Variants in PCDH15 observed in about 807,000 individuals in gnomAD.
PCDH15 encodes protocadherin-15.
A neutral mutation model predicts 178.5 loss-of-function variants in PCDH15; 129 were observed. The observed-to-expected ratio is 0.72, with a 90% CI of 0.63 to 0.84. PCDH15 has a LOEUF of 0.84. PCDH15 is among the 40% of genes least tolerant of loss of function. The pLI is 0.00. For missense variants in PCDH15, 2,230 were observed against 2,099.9 expected (o/e 1.06, Z -1.21); for synonymous variants, 800 against 732.0 (o/e 1.09, Z -1.50).
In PCDH15 at chr10:54,801,074, G is replaced by A. The variant is rs1231683180; in HGVS notation, c.-178C>T. On this transcript the variant is annotated 5_prime_UTR_variant, in exon 1 of 38. It introduces an in-frame stop codon into an upstream open reading frame of the 5' UTR. Transcript: ENST00000644397. ...TTCACATGTTCCACCTCTTGTTTCT[G>A]TGAGGCATTGATATCCACTCTCATA... The A allele has an allele frequency of 6.6e-6, 1 of 152,134 alleles. No individual in the cohort carries two copies. The highest frequency in any genetic ancestry group is 1.5e-5 in the Non-Finnish European group (1 of 68,048). The allele number at this position is 152,134 out of a possible 1,614,324, so 9.4% of individuals were successfully genotyped here.
At chr10:55,100,299 T>C (rs1462226905) in intron 2 of PCDH15, among the ~76,000 whole-genome samples, 3 of 152,162 alleles carry the variant, frequency 2.0e-5, no homozygotes, top group African/African-American at 7.2e-5. Context: ...AAGCTTTCTT[T>C]AGATGTTCAA....
intron 2 of PCDH15, among the ~76,000 whole-genome samples, chr10:55,410,651 G>T (rs1234572823): frequency 6.6e-6 from 1 of 152,084 alleles, no homozygotes; most frequent in Non-Finnish European, 1.5e-5. Flanking sequence ...CAGAGAGCTT[G>T]GTTCATTGTG....
At chr10:54,128,939 A>G (rs2042200784) in intron 15 of PCDH15, among the ~76,000 whole-genome samples, 1 of 152,202 alleles carries the variant, frequency 6.6e-6, no homozygotes, top group South Asian at 2.1e-4. Flanking sequence ...TGTAATACAA[A>G]ACATTCCCAT....
chr10:53,891,917 C>T (rs2081581159), intron 26 of PCDH15, among the ~76,000 whole-genome samples: 1 of 151,346 alleles, frequency 6.6e-6, no homozygotes, highest in Non-Finnish European at 1.5e-5. Flanking sequence ...TGCAGTGAGC[C>T]GAGATCATGC....
At chr10:54,335,361 C>T (rs773020929) in intron 6 of PCDH15, among the ~76,000 whole-genome samples, 10 of 152,104 alleles carry the variant, frequency 6.6e-5, no homozygotes, top group East Asian at 5.8e-4. Context: ...ACAAAGTGGT[C>T]GCATACTCTG....
chr10:54,240,777 G>A (rs185666201), intron 8 of PCDH15, among the ~76,000 whole-genome samples: 2,222 of 151,516 alleles, frequency 0.015, 45 homozygotes, highest in African/African-American at 0.041. Flanking sequence ...GACTACAGGC[G>A]CCCGCCACCA....
In PCDH15 at chr10:54,946,540, G is replaced by T. The variant is rs116455893; in HGVS notation, c.-79-49040C>A. Among the ~76,000 whole-genome samples, 33 of 151,914 alleles carry T rather than the reference G, an allele frequency of 2.2e-4. No individual in the cohort carries two copies. The South Asian group carries it at 6.4e-3, about 30-fold the overall frequency. On this transcript the variant is annotated intron_variant, in intron 2 of 5. Transcript: ENST00000458638. ...ACACAATGTCTAAATAATGTTGATT[G>T]CTGGGTCTTTTTAGAAACACAGCTG...
At chr10:53,808,822 C>A in intron 37 of PCDH15, 1 of 1,611,302 alleles carries the variant, frequency 6.2e-7, no homozygotes, top group Non-Finnish European at 8.5e-7. Flanking sequence ...ACTACTGCTA[C>A]TACTACCTGA....
At chr10:55,090,439 T>C (rs16906924) in intron 2 of PCDH15, among the ~76,000 whole-genome samples, 6,162 of 152,106 alleles carry the variant, frequency 0.041, 301 homozygotes, top group East Asian at 0.14. Flanking sequence ...AGGATCACAC[T>C]CTTTTAGATC....
In PCDH15 at chr10:55,605,420, A is replaced by G. The variant is rs910362932; in HGVS notation, c.-156+22205T>C. ...ATGAGGCCAGCATCATTCTGATACC[A>G]AAGCCGGGCAGAGACACAACCAAAA... On this transcript the variant is annotated intron_variant, in intron 2 of 5. Transcript: ENST00000613346. Among the ~76,000 whole-genome samples, 9 of 151,190 alleles carry G rather than the reference A, an allele frequency of 6.0e-5. No individual in the cohort carries two copies. The South Asian group carries it at 1.0e-3, about 18-fold the overall frequency.
chr10:53,918,876 TG>T (rs1038773444), intron 25 of PCDH15, among the ~76,000 whole-genome samples: 2 of 152,184 alleles, frequency 1.3e-5, no homozygotes, highest in African/African-American at 4.8e-5. Context: ...TGGGTCTCAC[TG>T]GGCTAAAATT....
At chr10:53,879,077 C>T (rs572460788) in intron 26 of PCDH15, among the ~76,000 whole-genome samples, 2 of 149,040 alleles carry the variant, frequency 1.3e-5, no homozygotes, top group Non-Finnish European at 3.0e-5. Context: ...TTGTAGCTAT[C>T]TTCCTGATCT....
chr10:55,582,683 C>T (rs1842648082), intron 2 of PCDH15, among the ~76,000 whole-genome samples: 1 of 140,590 alleles, frequency 7.1e-6, no homozygotes, highest in Non-Finnish European at 1.5e-5. Flanking sequence ...AAGGGAACCA[C>T]AGGTCAGCCA....
chr10:53,833,816 G>A (rs1220693681), intron 29 of PCDH15, among the ~76,000 whole-genome samples: 1 of 151,758 alleles, frequency 6.6e-6, no homozygotes, highest in Non-Finnish European at 1.5e-5. Flanking sequence ...TTATTTATAT[G>A]TTTTTTCCTT....
rs149364668 is a variant in PCDH15 at position 54,532,526 on chromosome 10, T to C, written c.92-4649A>G. 1.8e-3 allele frequency among the ~76,000 whole-genome samples: 275 copies of C among 152,264 alleles called. 3 individuals carry two copies. The highest frequency in any genetic ancestry group is 6.4e-3 in the African/African-American group (265 of 41,548). ...GTGATAACATTGACCTTGTTTCTAT[T>C]CCTCACGGTTGTGTCCACAGGGCAG... On this transcript the variant is annotated intron_variant, in intron 2 of 37. Transcript: ENST00000644397.
chr10:54,381,044 T>A (rs371335004), intron 3 of PCDH15, among the ~76,000 whole-genome samples: 2 of 151,422 alleles, frequency 1.3e-5, no homozygotes, highest in Non-Finnish European at 2.9e-5. Flanking sequence ...TTTAGAATTG[T>A]CCATTTGTAT....
chr10:54,957,090 C>A (rs984186661), intron 2 of PCDH15, among the ~76,000 whole-genome samples: 5 of 151,642 alleles, frequency 3.3e-5, no homozygotes, highest in African/African-American at 1.2e-4. Flanking sequence ...TGATCATTAA[C>A]AAATCATTTA....
chr10:54,153,743 T>C (rs1408519209), intron 13 of PCDH15, among the ~76,000 whole-genome samples: 1 of 152,132 alleles, frequency 6.6e-6, no homozygotes, highest in East Asian at 1.9e-4. Context: ...TTCCTTTTAC[T>C]CTCATTTTTC....
At chr10:54,590,942 T>C (rs2091847827) in intron 2 of PCDH15, among the ~76,000 whole-genome samples, 1 of 152,142 alleles carries the variant, frequency 6.6e-6, no homozygotes. Flanking sequence ...GAAATAATAG[T>C]ATTTACATGT....
Sources: allele counts gnomAD v4.1 joint callset (sites outside exome capture counted in the v4.1 genomes callset), GRCh38; gene constraint gnomAD v4.1.1; transcripts MANE v1.5; gene names NCBI Gene and HGNC (gene_info 2026-07-23, HGNC 2026-07-21).